Variants in CEP78 observed in about 807,000 individuals in gnomAD.
CEP78 encodes the protein centrosomal protein of 78 kDa.
In CEP78, 76 loss-of-function variants were observed where a neutral mutation model predicts 81.2. The observed-to-expected ratio is 0.94, with a 90% CI of 0.78 to 1.13. The LOEUF (loss-of-function observed/expected upper bound fraction) is 1.13. Among genes scored for constraint, CEP78 ranks in the 50% most tolerant of loss-of-function variants. CEP78 has a pLI of 0.00. For missense variants in CEP78, 918 were observed against 846.8 expected, an observed-to-expected ratio of 1.08 and a Z score of -1.04; for synonymous variants, 293 against 301.4, an observed-to-expected ratio of 0.97 and a Z score of 0.29.
Position 78,236,188 on chromosome 9 carries a change from T to C in CEP78, c.-163T>C. ...GAGGGGCCGGCCTAGCTTGGGGCTC[T>C]GGCCTTGCGTCTTCCGACCGAATCA... On this transcript the variant is annotated 5_prime_UTR_variant, in exon 1 of 17. Transcript: ENST00000643273. 1.6e-6 allele frequency: 1 copy of C among 630,594 alleles called. No homozygotes were observed. The highest frequency in any genetic ancestry group is 2.6e-6 in the Non-Finnish European group (1 of 378,322). 39.1% of individuals were successfully genotyped at this position (630,594 alleles called of 1,614,324 possible).
Position 78,236,492 on chromosome 9 carries a change from G to C in CEP78, c.142G>C (p.Asp48His). 6.2e-7 allele frequency: 1 copy of C among 1,606,694 alleles called. No individual in the cohort carries two copies. The highest frequency in any genetic ancestry group is 8.5e-7 in the Non-Finnish European group (1 of 1,176,692). ...GGAGGGCGTGCTGGATTTCAACGCC[G>C]ACCGCCTCCGCGGGGTGGACTGGGC... ...LREGVLDFNA[D>H]RLRGVDWAPL... The change falls in exon 1 of 17, where the codon GAC becomes CAC. Residue 48 changes from aspartate (D) to histidine (H), a missense_variant. By Grantham distance (81) the Asp-to-His change is moderately conservative (BLOSUM62 -1). Transcript: ENST00000643273.
chr9:78,265,307 A>G (rs1827466668), intron 13 of CEP78, 65 bp from the exon 14 acceptor site: 2 of 1,279,074 alleles, frequency 1.6e-6, no homozygotes, highest in African/African-American at 1.5e-5. Context: ...GTTTGGGGAA[A>G]TGTAAGCTGT....
At chr9:78,241,870 C>A in intron 4 of CEP78, 71 bp downstream of exon 4, 1 of 871,482 alleles carries the variant, frequency 1.1e-6, no homozygotes, top group Non-Finnish European at 1.8e-6. Context: ...TGATACAAGA[C>A]AGCAGTTATT....
In CEP78 at chr9:78,271,064, C is replaced by T. The variant is rs983540774; in HGVS notation, c.*213C>T. The T allele has an allele frequency of 1.5e-5, 7 of 469,370 alleles. No individual in the cohort carries two copies. Among genetic ancestry groups the T allele is most frequent in the African/African-American group, 2.0e-5 (1 of 49,264 alleles). 29.1% of individuals were successfully genotyped at this position (469,370 alleles called of 1,614,324 possible). A position where few individuals can be genotyped will look rare whatever the true frequency, so the allele number is the denominator to read the frequency against. ...CAGCTATCTGAAGTGGGAGCTCTGA[C>T]CCAAGAAATGCTGGGATCGGAGAAT... On this transcript the variant is annotated 3_prime_UTR_variant, in exon 17 of 17. Transcript: ENST00000643273.
intron 8 of CEP78, chr9:78,250,326 T>C (rs1462404540): frequency 1.3e-5 from 5 of 398,064 alleles, no homozygotes; most frequent in Non-Finnish European, 1.8e-5. Context: ...ATAGGGGTTA[T>C]ATAATTTATG....
intron 13 of CEP78, among the ~76,000 whole-genome samples, chr9:78,264,699 G>A (rs79382068): frequency 0.024 from 3,564 of 151,028 alleles, 135 homozygotes; most frequent in African/African-American, 0.081. Flanking sequence ...TGGTAGCTGT[G>A]ATTCTTGTTA....
rs1827675685 is a variant in CEP78, at chr9:78,270,855, G to T, written c.*4G>T. 1 of 694,644 alleles carries T rather than the reference G, an allele frequency of 1.4e-6. No individual in the cohort carries two copies. Among genetic ancestry groups the T allele is most frequent in the South Asian group, 1.6e-5 (1 of 63,008 alleles). 43.0% of individuals were successfully genotyped at this position (694,644 alleles called of 1,614,324 possible). A position where few individuals can be genotyped will look rare whatever the true frequency, so the allele number is the denominator to read the frequency against. On this transcript the variant is annotated 3_prime_UTR_variant, in exon 17 of 17. Transcript: ENST00000643273. ...TATGCTTCTAGAATCCCATTGAAAT[G>T]ACTGGAGAAATATTAAAATAAAAAT...
chr9:78,273,112 G>C lies in CEP78; in HGVS notation c.*2261G>C, dbSNP rs1827728710. The C allele has an allele frequency of 6.6e-6, 1 of 152,092 alleles. No individual in the cohort carries two copies. The highest frequency in any genetic ancestry group is 6.6e-5 in the Admixed American group (1 of 15,266). 9.4% of individuals were successfully genotyped at this position (152,092 alleles called of 1,614,324 possible). On this transcript the variant is annotated 3_prime_UTR_variant, in exon 17 of 17. Coordinates refer to ENST00000643273, the MANE Select transcript of CEP78 (RefSeq NM_001330691.3). ...CAAGACGGGAAAGAAAAAGAAACAAGCTACATAGAAATAAAAAATCCACAA... is the reference window on the plus strand; with the variant it reads ...CAAGACGGGAAAGAAAAAGAAACAACCTACATAGAAATAAAAAATCCACAA...
In CEP78 at chr9:78,271,970, A is replaced by G. The variant is rs1458653667; in HGVS notation, c.*1119A>G. ...GCCCAGGCTGGAGTGCAGTGGTACA[A>G]TCTCAGCTCACTGCAACCTCCTCGA... On this transcript the variant is annotated 3_prime_UTR_variant, in exon 17 of 17. Transcript: ENST00000643273. 1 of 151,922 alleles carries G rather than the reference A, an allele frequency of 6.6e-6. No homozygotes were observed. The highest frequency in any genetic ancestry group is 1.5e-5 in the Non-Finnish European group (1 of 68,090). The allele number at this position is 151,922 out of a possible 1,614,324, so 9.4% of individuals were successfully genotyped here.
intron 11 of CEP78, among the ~76,000 whole-genome samples, chr9:78,257,077 A>C (rs182196887): frequency 6.6e-6 from 1 of 152,064 alleles, no homozygotes; most frequent in East Asian, 1.9e-4. Context: ...ATCTCAGAGG[A>C]CAGAAAAAAA....
Position 78,241,748 on chromosome 9 carries a change from A to C in CEP78, c.552A>C (p.Thr184=). 1.9e-6 allele frequency: 3 copies of C among 1,611,166 alleles called. No individual in the cohort carries two copies. The highest frequency in any genetic ancestry group is 2.5e-6 in the Non-Finnish European group (3 of 1,177,782). ...SSITLKTVNF[T]GCNLTWQGAD... ...TCACTCTTAAGACAGTCAACTTCACAGGATGTAATCTGACATGGCAGGGAG... is the reference window on the plus strand; with the variant it reads ...TCACTCTTAAGACAGTCAACTTCACCGGATGTAATCTGACATGGCAGGGAG... Residue 184 remains threonine (T), a synonymous_variant, in exon 4 of 17, where the codon ACA becomes ACC. Coordinates refer to ENST00000643273, the MANE Select transcript of CEP78 (RefSeq NM_001330691.3).
At chr9:78,241,615 T>G (rs907007446) in intron 3 of CEP78, 81 bp from the exon 4 acceptor site, 11 of 623,000 alleles carry the variant, frequency 1.8e-5, no homozygotes, top group Non-Finnish European at 3.1e-5. Flanking sequence ...AGAAAAGATA[T>G]AAGAAGAGCA....
Position 78,236,153 on chromosome 9 carries a change from G to A in CEP78, c.-198G>A. The A allele has an allele frequency of 1.8e-6, 1 of 566,510 alleles. No individual in the cohort carries two copies. Among genetic ancestry groups the A allele is most frequent in the Non-Finnish European group, 3.1e-6 (1 of 326,820 alleles). 35.1% of individuals were successfully genotyped at this position (566,510 alleles called of 1,614,324 possible). On this transcript the variant is annotated 5_prime_UTR_variant, in exon 1 of 17. The change creates a new upstream start codon in the 5' untranslated region. Transcript: ENST00000643273. ...CCGCAGGGCGGGAGGCAGCGCGGGA[G>A]TGGGGCGTTGAGGGGCCGGCCTAGC...
chr9:78,249,953 T>C, intron 8 of CEP78: 1 of 244,682 alleles, frequency 4.1e-6, no homozygotes, highest in Non-Finnish European at 7.7e-6. Context: ...TAATCTTTTA[T>C]TTGGATGCTA....
Position 78,254,832 on chromosome 9 carries a change from T to A in CEP78, c.1252-4T>A. 1 of 1,604,280 alleles carries A rather than the reference T, an allele frequency of 6.2e-7. No individual in the cohort carries two copies. Among genetic ancestry groups the A allele is most frequent in the South Asian group, 1.1e-5 (1 of 89,736 alleles). On this transcript the variant is annotated splice_polypyrimidine_tract_variant and splice_region_variant and intron_variant, in intron 10 of 16. Transcript: ENST00000643273. ...ATTATACAATCTTGTCCTCTTTTTT[T>A]AAGCAACCAGGTTTTCCTGTGACTG...
Position 78,271,191 on chromosome 9 carries a change from A to G in CEP78, c.*340A>G, listed in dbSNP as rs949636817. 9 of 188,296 alleles carry G rather than the reference A, an allele frequency of 4.8e-5. No individual in the cohort carries two copies. Among genetic ancestry groups the G allele is most frequent in the Admixed American group, 3.7e-4 (6 of 16,308 alleles). 11.7% of individuals were successfully genotyped at this position (188,296 alleles called of 1,614,324 possible). A position where few individuals can be genotyped will look rare whatever the true frequency, so the allele number is the denominator to read the frequency against. On this transcript the variant is annotated 3_prime_UTR_variant, in exon 17 of 17. Coordinates refer to ENST00000643273, the MANE Select transcript of CEP78 (RefSeq NM_001330691.3). Reference sequence around the variant, plus strand: ...TGCCACTTCCGTTTATAATCACCATATAAGTGCCTGTAATCATTTGTGTTC... The same window carrying G: ...TGCCACTTCCGTTTATAATCACCATGTAAGTGCCTGTAATCATTTGTGTTC...
At chr9:78,270,145 A>G (rs1827659125) in intron 16 of CEP78, among the ~76,000 whole-genome samples, 1 of 152,192 alleles carries the variant, frequency 6.6e-6, no homozygotes, top group South Asian at 2.1e-4. Flanking sequence ...GGAAGTGTGG[A>G]CAGAGACAAA....
chr9:78,248,981 G>T (rs376166135), intron 8 of CEP78, 108 bp downstream of exon 8: 2 of 502,106 alleles, frequency 4.0e-6, no homozygotes, highest in African/African-American at 4.0e-5. Context: ...TATTGACTCC[G>T]TGCATATTAT....
At chr9:78,238,077 A>T (rs1826045697) in intron 1 of CEP78, among the ~76,000 whole-genome samples, 1 of 151,014 alleles carries the variant, frequency 6.6e-6, no homozygotes, top group Non-Finnish European at 1.5e-5. Context: ...GTGAGCTGAG[A>T]TTGCACCGTT....
Sources: gnomAD v4.1 joint callset for allele counts (sites outside exome capture counted in the v4.1 genomes callset) on GRCh38, gnomAD v4.1.1 for gene constraint, MANE v1.5 for transcripts, NCBI Gene and HGNC (gene_info 2026-07-23, HGNC 2026-07-21) for gene names.